Variants in PLCG1 observed in about 807,000 individuals in gnomAD.
The protein encoded by PLCG1 is 1-phosphatidylinositol 4,5-bisphosphate phosphodiesterase gamma-1.
Under a neutral mutation model 177.8 loss-of-function variants are expected in PLCG1, and 71 were observed. The ratio of observed to expected loss-of-function variants is 0.40; its 90% confidence interval spans 0.33 to 0.49. The LOEUF is 0.49. Among genes scored for constraint, PLCG1 ranks in the 20% least tolerant of loss-of-function variants. The pLI is 0.72. For missense variants in PLCG1, 1,281 were observed against 1,709.0 expected, an observed-to-expected ratio of 0.75 and a Z score of 4.42; for synonymous variants, 658 against 647.9, an observed-to-expected ratio of 1.02 and a Z score of -0.24.
In PLCG1 at chr20:41,167,224, G is replaced by A. The variant is rs2035728300; in HGVS notation, c.2301+365G>A. Reference sequence around the variant, plus strand: ...GAGATGAGGCTACCCAAGAGTGGTTGTGGAGCCTCCGCCTGGTGGATGGTA... The same window carrying A: ...GAGATGAGGCTACCCAAGAGTGGTTATGGAGCCTCCGCCTGGTGGATGGTA... On this transcript the variant is annotated intron_variant, in intron 19 of 31. Coordinates refer to ENST00000685551, the MANE Select transcript of PLCG1 (RefSeq NM_002660.3). This position sits in a 1 kb window ranked among gnomAD's most constrained non-coding sequence, Gnocchi z 4.4. Among the ~76,000 whole-genome samples, 1 of 152,178 alleles carries A rather than the reference G, an allele frequency of 6.6e-6. No individual in the cohort carries two copies. The highest frequency in any genetic ancestry group is 2.4e-5 in the African/African-American group (1 of 41,432).
At chr20:41,141,124 C>T (rs1004044287) in intron 1 of PLCG1, among the ~76,000 whole-genome samples, 2 of 152,164 alleles carry the variant, frequency 1.3e-5, no homozygotes, top group Admixed American at 1.3e-4. Flanking sequence ...GGTTCAGACT[C>T]GTGTTTAATG....
Position 41,167,606 on chromosome 20 carries a change from T to G in PLCG1, c.2302-246T>G. 1.9e-6 allele frequency: 1 copy of G among 530,142 alleles called. No individual in the cohort carries two copies. The highest frequency in any genetic ancestry group is 3.4e-6 in the Non-Finnish European group (1 of 295,476). The allele number at this position is 530,142 out of a possible 1,614,324, so 32.8% of individuals were successfully genotyped here. On this transcript the variant is annotated intron_variant, in intron 19 of 31. Coordinates refer to ENST00000685551, the MANE Select transcript of PLCG1 (RefSeq NM_002660.3). This position sits in a 1 kb window ranked among gnomAD's most constrained non-coding sequence, Gnocchi z 4.4. ...TCAGAAATACTTGGGAGTTTGGGCA[T>G]TTAGGACCTGAGAGATTTTAGAATC... is the stretch of plus-strand genomic sequence containing the variant.
chr20:41,167,696 G>A lies in PLCG1; in HGVS notation c.2302-156G>A, dbSNP rs927647348. On this transcript the variant is annotated intron_variant, in intron 19 of 31. Coordinates refer to ENST00000685551, the MANE Select transcript of PLCG1 (RefSeq NM_002660.3). The surrounding 1 kb of genome is among the most constrained non-coding windows in gnomAD (Gnocchi z 4.4). ...AGGGAACAGTGAGGCCGGGCCTGAG[G>A]CCTCTGAAGCCGTCTCTACTGAGGT... is the stretch of plus-strand genomic sequence containing the variant. 6.4e-6 allele frequency: 4 copies of A among 623,238 alleles called. No homozygotes were observed. The Admixed American group carries it at 1.1e-4, about 17-fold the overall frequency. 38.6% of individuals were successfully genotyped at this position (623,238 alleles called of 1,614,324 possible).
In PLCG1 at chr20:41,150,471, C is replaced by G. The variant is rs533400552; in HGVS notation, c.218-9135C>G. Among the ~76,000 whole-genome samples the G allele has an allele frequency of 6.6e-6, 1 of 152,210 alleles. No individual in the cohort carries two copies. The highest frequency in any genetic ancestry group is 1.9e-4 in the East Asian group (1 of 5,182). ...CAGTCTCTCTCCTGTAGCTAGGAGC[C>G]TGGCATACACAGGCCATCTAGAAAG... On this transcript the variant is annotated intron_variant, in intron 1 of 31. Coordinates refer to ENST00000685551, the MANE Select transcript of PLCG1 (RefSeq NM_002660.3). This position sits in a 1 kb window ranked among gnomAD's most constrained non-coding sequence, Gnocchi z 4.0.
At chr20:41,139,797 AG>A (rs2034758667) in intron 1 of PLCG1, among the ~76,000 whole-genome samples, 2 of 152,190 alleles carry the variant, frequency 1.3e-5, no homozygotes, top group Non-Finnish European at 2.9e-5. Context: ...ATGAAGGTGC[AG>A]GAAGGGAGGA....
In PLCG1 at chr20:41,159,860, T is replaced by C; in HGVS notation, c.371-10T>C. The C allele has an allele frequency of 6.2e-7, 1 of 1,613,954 alleles. No homozygotes were observed. The highest frequency in any genetic ancestry group is 8.5e-7 in the Non-Finnish European group (1 of 1,179,804). The stretch of plus-strand genomic sequence containing the variant: ...TGCCCTCGGGGCAGCTATTGATACC[T>C]TGCTCACAGCCACATCTGAGGATGA... On this transcript the variant is annotated splice_polypyrimidine_tract_variant and intron_variant, in intron 2 of 31. Coordinates refer to ENST00000685551, the MANE Select transcript of PLCG1 (RefSeq NM_002660.3). The surrounding 1 kb of genome is among the most constrained non-coding windows in gnomAD (Gnocchi z 6.0).
chr20:41,171,482 G>A (rs1159857636), intron 24 of PLCG1, among the ~76,000 whole-genome samples: 1 of 151,752 alleles, frequency 6.6e-6, no homozygotes, highest in Non-Finnish European at 1.5e-5. Flanking sequence ...AGCTACTCGG[G>A]AGGCTGAGGC....
chr20:41,143,774 A>T (rs1329516058), intron 1 of PLCG1, among the ~76,000 whole-genome samples: 1 of 152,232 alleles, frequency 6.6e-6, no homozygotes, highest in African/African-American at 2.4e-5. Context: ...ATTGATCTTT[A>T]GCTGTAAAAG....
In PLCG1 at chr20:41,173,825, T is replaced by A. The variant is rs769495054; in HGVS notation, c.3556+12T>A. The A allele has an allele frequency of 2.5e-6, 4 of 1,612,450 alleles. No individual in the cohort carries two copies. In the Admixed American group the frequency reaches 5.0e-5, roughly 20 times the overall value. Reference sequence around the variant, plus strand: ...AGGCCTGAAGACAGGTGAGGACCATTCCTGGAGGCAGTGCCCCTGCAATCT... The same window carrying A: ...AGGCCTGAAGACAGGTGAGGACCATACCTGGAGGCAGTGCCCCTGCAATCT... On this transcript the variant is annotated intron_variant, in intron 29 of 31. Coordinates refer to ENST00000685551, the MANE Select transcript of PLCG1 (RefSeq NM_002660.3). This position sits in a 1 kb window ranked among gnomAD's most constrained non-coding sequence, Gnocchi z 6.2.
chr20:41,174,181 G>A lies in PLCG1; in HGVS notation c.3703G>A (p.Asp1235Asn), dbSNP rs1245554902. 12 of 1,614,188 alleles carry A rather than the reference G, an allele frequency of 7.4e-6. No individual in the cohort carries two copies. Among genetic ancestry groups the A allele is most frequent in the Non-Finnish European group, 1.0e-5 (12 of 1,180,022 alleles). ...TACGTCCCTGCGGGAGCGGGGCTCA[G>A]ATGCCTCAGGCCAGCTGTTTCATGG... ...SGTSLRERGSDASGQLFHGRA... is the reference protein window; with the variant it reads ...SGTSLRERGSNASGQLFHGRA... Residue 1235 changes from aspartate to asparagine, a missense_variant, in exon 31 of 32, where the codon GAT (aspartate) becomes AAT (asparagine). This residue lies in a region of PLCG1 where 153 missense variants were observed against 153.2 expected (regional missense o/e 1.00). Coordinates refer to ENST00000685551, the MANE Select transcript of PLCG1 (RefSeq NM_002660.3). This position sits in a 1 kb window ranked among gnomAD's most constrained non-coding sequence, Gnocchi z 5.8.
chr20:41,169,404 C>A, intron 22 of PLCG1, 53 bp from the exon 23 acceptor site: 1 of 1,363,290 alleles, frequency 7.3e-7, no homozygotes, highest in African/African-American at 1.4e-5. Flanking sequence ...GATATCCCCT[C>A]ACACACATAT....
At chr20:41,169,855 G>A (rs1207850815) in intron 23 of PLCG1, among the ~76,000 whole-genome samples, 2 of 152,164 alleles carry the variant, frequency 1.3e-5, no homozygotes, top group Non-Finnish European at 2.9e-5. Flanking sequence ...GGGTGGAGAG[G>A]GAGACACGGC....
chr20:41,170,374 T>A (rs2035857178), intron 24 of PLCG1, 105 bp downstream of exon 24: 1 of 1,227,618 alleles, frequency 8.1e-7, no homozygotes, highest in Non-Finnish European at 1.2e-6. Flanking sequence ...GGGCAGCCGA[T>A]GGCCTATGCT....
rs1273630514 is a variant in PLCG1 at position 41,150,568 on chromosome 20, C to A, written c.218-9038C>A. ...CTAGACTCCTGACACAGAGGCTGAC[C>A]CATGGCTGCCTGGAGAATCTTCTGG... is the stretch of plus-strand genomic sequence containing the variant. On this transcript the variant is annotated intron_variant, in intron 1 of 31. Coordinates refer to ENST00000685551, the MANE Select transcript of PLCG1 (RefSeq NM_002660.3). The surrounding 1 kb of genome is among the most constrained non-coding windows in gnomAD (Gnocchi z 4.0). Among the ~76,000 whole-genome samples the A allele has an allele frequency of 6.6e-6, 1 of 152,138 alleles. No homozygotes were observed. Among genetic ancestry groups the A allele is most frequent in the African/African-American group, 2.4e-5 (1 of 41,414 alleles).
At chr20:41,161,465 G>C (rs1243264268) in intron 4 of PLCG1, among the ~76,000 whole-genome samples, 2 of 152,144 alleles carry the variant, frequency 1.3e-5, no homozygotes, top group South Asian at 2.1e-4. Flanking sequence ...ATGCTGATGG[G>C]AAAGAGACCA....
chr20:41,149,821 C>G (rs547144515), intron 1 of PLCG1, among the ~76,000 whole-genome samples: 118 of 152,286 alleles, frequency 7.7e-4, no homozygotes, highest in Non-Finnish European at 1.5e-3. Flanking sequence ...CAGGAGAAAT[C>G]AAGGGCAGAG....
Position 41,173,823 on chromosome 20 carries a change from A to C in PLCG1, c.3556+10A>C. 6.2e-7 allele frequency: 1 copy of C among 1,612,552 alleles called. No homozygotes were observed. The highest frequency in any genetic ancestry group is 1.1e-5 in the South Asian group (1 of 90,934). ...AAAGGCCTGAAGACAGGTGAGGACC[A>C]TTCCTGGAGGCAGTGCCCCTGCAAT... On this transcript the variant is annotated intron_variant, in intron 29 of 31. Coordinates refer to ENST00000685551, the MANE Select transcript of PLCG1 (RefSeq NM_002660.3). The surrounding 1 kb of genome is among the most constrained non-coding windows in gnomAD (Gnocchi z 6.2).
intron 24 of PLCG1, among the ~76,000 whole-genome samples, chr20:41,171,985 G>A (rs2035916093): frequency 6.6e-6 from 1 of 152,180 alleles, no homozygotes; most frequent in Non-Finnish European, 1.5e-5. Flanking sequence ...GTGTCCTCTG[G>A]GACAGAAAAG....
chr20:41,158,516 G>T (rs2035393465), intron 1 of PLCG1, among the ~76,000 whole-genome samples: 1 of 152,186 alleles, frequency 6.6e-6, no homozygotes, highest in African/African-American at 2.4e-5. Context: ...GTGTGTCAGA[G>T]CCTGTGCACC....
Sources: allele counts gnomAD v4.1 joint callset (sites outside exome capture counted in the v4.1 genomes callset), GRCh38; gene constraint gnomAD v4.1.1; regional missense constraint gnomAD v4.1.1; non-coding constraint Gnocchi (gnomAD v3.1); transcripts MANE v1.5; gene names NCBI Gene and HGNC (gene_info 2026-07-23, HGNC 2026-07-21).